Variants in RYR3 observed in about 807,000 individuals in gnomAD.
RYR3 encodes ryanodine receptor 3, also known as brain ryanodine receptor-calcium release channel.
A neutral mutation model predicts 584.3 loss-of-function variants in RYR3; 207 were observed. That is an observed-to-expected ratio of 0.35 (90% CI 0.32 to 0.40). The LOEUF is 0.40. Ranked by LOEUF, RYR3 falls within the 10% of genes least tolerant of loss-of-function variation. The pLI, the probability that RYR3 is intolerant of heterozygous loss-of-function variation, is 1.00. For missense variants in RYR3, 5,616 were observed against 6,089.2 expected, an observed-to-expected ratio of 0.92 and a Z score of 2.59; for synonymous variants, 2,416 against 2,248.5, an observed-to-expected ratio of 1.07 and a Z score of -2.11.
At chr15:33,596,158 C>CTT (rs988140783) in intron 16 of RYR3, among the ~76,000 whole-genome samples, 1 of 150,938 alleles carries the variant, frequency 6.6e-6, no homozygotes, top group African/African-American at 2.4e-5. Context: ...TATACATAAC[C>CTT]TTTAAGTTTT....
chr15:33,375,237 C>T (rs912295448), intron 1 of RYR3, among the ~76,000 whole-genome samples: 5 of 149,880 alleles, frequency 3.3e-5, no homozygotes, highest in Non-Finnish European at 7.4e-5. Context: ...TAATACAAAG[C>T]GCTTAGGACA....
intron 40 of RYR3, among the ~76,000 whole-genome samples, chr15:33,699,278 T>C (rs1026670592): frequency 2.9e-5 from 3 of 103,172 alleles, no homozygotes; most frequent in African/African-American, 1.2e-4. Flanking sequence ...CTCTCCCCCC[T>C]CCTCACTCTC....
chr15:33,533,880 T>A (rs922908857), intron 5 of RYR3, among the ~76,000 whole-genome samples: 6 of 145,284 alleles, frequency 4.1e-5, no homozygotes, highest in Non-Finnish European at 6.1e-5. Flanking sequence ...CTTTATAATA[T>A]CATTTACTTT....
At chr15:33,566,420 A>G (rs1482637556) in intron 11 of RYR3, among the ~76,000 whole-genome samples, 1 of 152,210 alleles carries the variant, frequency 6.6e-6, no homozygotes, top group South Asian at 2.1e-4. Context: ...AGGCCTGAGG[A>G]ATATGTGGTA....
intron 36 of RYR3, among the ~76,000 whole-genome samples, chr15:33,668,124 C>G (rs1413943619): frequency 7.0e-6 from 1 of 143,376 alleles, no homozygotes; most frequent in African/African-American, 2.6e-5. Context: ...GCATGAAACC[C>G]CCTCTCTACT....
At chr15:33,317,747 A>G (rs1316246531) in intron 1 of RYR3, among the ~76,000 whole-genome samples, 1 of 152,178 alleles carries the variant, frequency 6.6e-6, no homozygotes, top group Non-Finnish European at 1.5e-5. Context: ...TAAAAGAGCT[A>G]TACCTCCTCT....
chr15:33,470,438 C>A (rs1427163271), intron 1 of RYR3, among the ~76,000 whole-genome samples: 1 of 150,718 alleles, frequency 6.6e-6, no homozygotes, highest in East Asian at 1.9e-4. Context: ...GGCATAAAAC[C>A]CCAGAGTTGT....
chr15:33,699,848 T>A lies in RYR3; in HGVS notation c.6379+15T>A. On this transcript the variant is annotated intron_variant, in intron 41 of 103. Coordinates refer to ENST00000634891, the MANE Select transcript of RYR3 (RefSeq NM_001036.6). ...TGTTGGCCTAGGTGCGTAAGTCTTC[T>A]TGTAACTTCCACATCCAAACTCGAA... 6.2e-7 allele frequency: 1 copy of A among 1,605,320 alleles called. No individual in the cohort carries two copies. Among genetic ancestry groups the A allele is most frequent in the Non-Finnish European group, 8.5e-7 (1 of 1,173,350 alleles).
At chr15:33,847,304 A>G (rs557514992) in intron 93 of RYR3, 11 of 152,352 alleles carry the variant, frequency 7.2e-5, no homozygotes, top group Non-Finnish European at 1.3e-4. Context: ...CTCTTTACAA[A>G]TCACTGTCTG....
chr15:33,444,406 T>C (rs1334484428), intron 1 of RYR3, among the ~76,000 whole-genome samples: 1 of 152,228 alleles, frequency 6.6e-6, no homozygotes, highest in Non-Finnish European at 1.5e-5. Flanking sequence ...TGCCTTTCCA[T>C]GTGATAAAAC....
intron 45 of RYR3, among the ~76,000 whole-genome samples, chr15:33,725,974 C>CA (rs2068391095): frequency 2.7e-5 from 1 of 37,622 alleles, no homozygotes. Context: ...CATCCCCCCC[C>CA]CCAAAAAAAA....
At chr15:33,790,812 G>A (rs2075109112) in intron 67 of RYR3, among the ~76,000 whole-genome samples, 1 of 152,080 alleles carries the variant, frequency 6.6e-6, no homozygotes, top group Non-Finnish European at 1.5e-5. Flanking sequence ...AGAAGAAGAG[G>A]AACAGCAAAT....
At chr15:33,772,192 T>A in intron 63 of RYR3, 34 bp downstream of exon 63, 1 of 1,419,784 alleles carries the variant, frequency 7.0e-7, no homozygotes, top group Non-Finnish European at 9.9e-7. Context: ...TGGATGTATG[T>A]GCACATGGCC....
intron 29 of RYR3, among the ~76,000 whole-genome samples, 170 bp downstream of exon 29, chr15:33,646,696 A>G (rs1254290235): frequency 6.6e-6 from 1 of 152,252 alleles, no homozygotes; most frequent in Non-Finnish European, 1.5e-5. Context: ...ACATGCAAGT[A>G]CACGTGTGTG....
intron 12 of RYR3, among the ~76,000 whole-genome samples, chr15:33,574,158 A>G (rs2058176221): frequency 6.6e-6 from 1 of 152,002 alleles, no homozygotes; most frequent in Non-Finnish European, 1.5e-5. Context: ...GAGATTTCCA[A>G]CTCCCTGTGT....
Position 33,635,664 on chromosome 15 carries a change from G to C in RYR3, c.3226G>C (p.Val1076Leu), listed in dbSNP as rs1397844484. 1 of 1,613,894 alleles carries C rather than the reference G, an allele frequency of 6.2e-7. No homozygotes were observed. Among genetic ancestry groups the C allele is most frequent in the Non-Finnish European group, 8.5e-7 (1 of 1,179,912 alleles). The change falls in exon 26 of 104, where the codon GTA becomes CTA. Residue 1076 changes from valine to leucine, a missense_variant. Transcript: ENST00000634891. ...VSIDKIRFFR[V>L]ERSYAVRSGK... ...CATAGACAAGATCCGATTTTTCCGGGTAGAGCGATCTTATGCAGTGAGATC... is the reference window on the plus strand; with the variant it reads ...CATAGACAAGATCCGATTTTTCCGGCTAGAGCGATCTTATGCAGTGAGATC...
intron 9 of RYR3, among the ~76,000 whole-genome samples, chr15:33,549,602 T>C (rs9302271): frequency 0.72 from 109,143 of 152,120 alleles, 40,690 homozygotes; most frequent in Middle Eastern, 0.87. Flanking sequence ...TTCTCACTTG[T>C]CTTAATCCTT....
chr15:33,432,429 G>T (rs150104485), intron 1 of RYR3, among the ~76,000 whole-genome samples: 149 of 151,878 alleles, frequency 9.8e-4, no homozygotes, highest in African/African-American at 3.5e-3. Flanking sequence ...GAGGTTCCAA[G>T]ACTTTTTCTT....
chr15:33,584,524 A>G (rs1173164656), intron 15 of RYR3, 34 bp downstream of exon 15: 2 of 979,052 alleles, frequency 2.0e-6, no homozygotes, highest in East Asian at 2.6e-5. Flanking sequence ...ACTAGAAAAG[A>G]TGAAGGGTTT....
Sources: gnomAD v4.1 joint callset for allele counts (sites outside exome capture counted in the v4.1 genomes callset) on GRCh38, gnomAD v4.1.1 for gene constraint, MANE v1.5 for transcripts, NCBI Gene and HGNC (gene_info 2026-07-23, HGNC 2026-07-21) for gene names.